The following SIN3B variants were observed in gnomAD, a reference collection of about 807,000 sequenced individuals.
The protein encoded by SIN3B is SIN3 transcription regulator family member B.
Under a neutral mutation model 120.2 loss-of-function variants are expected in SIN3B, and 19 were observed. That is an observed-to-expected ratio of 0.16 (90% confidence interval 0.11 to 0.23). The LOEUF (loss-of-function observed/expected upper bound fraction) is 0.23. Among genes scored for constraint, SIN3B ranks in the 10% least tolerant of loss-of-function variants. The pLI, the probability that SIN3B is intolerant of heterozygous loss-of-function variation, is 1.00. For synonymous variants in SIN3B, 654 were observed against 653.2 expected (o/e 1.00, Z -0.02); for missense variants, 1,073 against 1,573.0 (o/e 0.68, Z 5.38).
At position 16,850,720 on chromosome 19, in the gene SIN3B, A is replaced by G. The variant is rs186298229; in HGVS notation, c.727-692A>G. ...CCTGCAGAAAAGCTGCGGTCTGTCC[A>G]TCGTCCCCTGCCTGTCCAGCCTTCC... On this transcript the variant is annotated intron_variant, in intron 5 of 18. Coordinates refer to ENST00000248054, the MANE Select transcript of SIN3B (RefSeq NM_001297595.2). 2.0e-3 allele frequency among the ~76,000 whole-genome samples: 302 copies of G among 152,228 alleles called. 2 individuals carry two copies. The highest frequency in any genetic ancestry group is 6.9e-3 in the African/African-American group (285 of 41,532).
chr19:16,850,680 C>T (rs938316186), intron 5 of SIN3B, among the ~76,000 whole-genome samples: 1 of 152,168 alleles, frequency 6.6e-6, no homozygotes, highest in Non-Finnish European at 1.5e-5. Context: ...AGGGCCTCTC[C>T]AGCTCTGCCC....
At position 16,839,413 on chromosome 19, in the gene SIN3B, C is replaced by T. The variant is rs145694272; in HGVS notation, c.382-2355C>T. 3.5e-3 allele frequency among the ~76,000 whole-genome samples: 536 copies of T among 152,234 alleles called. 3 individuals are homozygous for T. Among genetic ancestry groups the T allele is most frequent in the African/African-American group, 0.012 (482 of 41,518 alleles). ...ACACTGTCCCTCGTGGTGGCTGTAC[C>T]GTCCCATCTGGCTCTTTTTGCCAAG... On this transcript the variant is annotated intron_variant, in intron 3 of 18. Transcript: ENST00000248054.
chr19:16,872,299 G>A (rs2051521704), intron 14 of SIN3B, among the ~76,000 whole-genome samples: 1 of 151,780 alleles, frequency 6.6e-6, no homozygotes, highest in African/African-American at 2.4e-5. Context: ...CTGCTTAATG[G>A]AGCTAAAATA....
intron 5 of SIN3B, among the ~76,000 whole-genome samples, chr19:16,850,589 G>A (rs1008914097): frequency 6.6e-6 from 1 of 152,118 alleles, no homozygotes; most frequent in African/African-American, 2.4e-5. Flanking sequence ...AGGTCTTTGG[G>A]GGTGTCTTTG....
At chr19:16,833,049 C>A (rs987938559) in intron 3 of SIN3B, among the ~76,000 whole-genome samples, 2 of 152,166 alleles carry the variant, frequency 1.3e-5, no homozygotes, top group South Asian at 4.1e-4. Context: ...CCAGAAATGT[C>A]TCCAGACATT....
chr19:16,867,786 C>G (rs1442985199), intron 12 of SIN3B, among the ~76,000 whole-genome samples: 1 of 152,152 alleles, frequency 6.6e-6, no homozygotes, highest in African/African-American at 2.4e-5. Flanking sequence ...CCCTTCCCTC[C>G]CACCTCCCTT....
intron 9 of SIN3B, chr19:16,863,416 T>C (rs1019465451): frequency 9.0e-5 from 49 of 543,952 alleles, no homozygotes; most frequent in South Asian, 2.2e-4. Flanking sequence ...TAGGATTCCA[T>C]TGGACATCAG....
rs566955025 is a variant in SIN3B at position 16,878,693 on chromosome 19, G to A, written c.3359G>A (p.Arg1120His). ...CACGGCCTGCCCGTGACCCGCTACC[G>A]CGTGCAGTACAGCCGCCGCCCGGCC... is the stretch of plus-strand genomic sequence containing the variant. ...HVHGLPVTRY[R>H]VQYSRRPASP The change falls in exon 19 of 19, where the codon CGC becomes CAC. Residue 1120 changes from arginine (R) to histidine (H), a missense_variant. Arg to His is a conservative substitution (Grantham distance 29). Transcript: ENST00000248054. The A allele has an allele frequency of 6.0e-5, 97 of 1,611,196 alleles. No homozygotes were observed. The highest frequency in any genetic ancestry group is 5.0e-4 in the South Asian group (45 of 90,832).
At chr19:16,864,616 G>A (rs1294868455) in intron 10 of SIN3B, among the ~76,000 whole-genome samples, 1 of 151,946 alleles carries the variant, frequency 6.6e-6, no homozygotes, top group Non-Finnish European at 1.5e-5. Flanking sequence ...AAAGGAATGA[G>A]CCACCACACC....
Position 16,876,340 on chromosome 19 carries a change from C to A in SIN3B, c.2766+112C>A. Reference sequence around the variant, plus strand: ...AGCGGCTGGGACACCGGCCCTGCTGCAGAGCCCATGAGGTACCTTTGACCT... The same window carrying A: ...AGCGGCTGGGACACCGGCCCTGCTGAAGAGCCCATGAGGTACCTTTGACCT... On this transcript the variant is annotated intron_variant, in intron 15 of 18. Coordinates refer to ENST00000248054, the MANE Select transcript of SIN3B (RefSeq NM_001297595.2). This position sits in a 1 kb window ranked among gnomAD's most constrained non-coding sequence, Gnocchi z 7.1. The A allele has an allele frequency of 7.1e-7, 1 of 1,409,840 alleles. No homozygotes were observed. Among genetic ancestry groups the A allele is most frequent in the Non-Finnish European group, 9.7e-7 (1 of 1,034,602 alleles). The allele number at this position is 1,409,840 out of a possible 1,614,324, so 87.3% of individuals were successfully genotyped here.
chr19:16,869,618 C>T lies in SIN3B; in HGVS notation c.1965C>T (p.Ile655=), dbSNP rs771504051. ...TCCAGAAGGAGGACCAGGGCACCAT[C>T]CACCAGCTGCTGCACCAGTTCGTGC... ...PAIQKEDQGT[I]HQLLHQFVPS... Residue 655 remains isoleucine, a synonymous_variant, in exon 13 of 19, where the codon ATC becomes ATT. Coordinates refer to ENST00000248054, the MANE Select transcript of SIN3B (RefSeq NM_001297595.2). 4 of 1,613,612 alleles carry T rather than the reference C, an allele frequency of 2.5e-6. No individual in the cohort carries two copies. In the South Asian group the frequency reaches 4.4e-5, roughly 18 times the overall value.
chr19:16,871,513 T>G (rs1299170665), intron 14 of SIN3B, 115 bp downstream of exon 14: 2 of 975,430 alleles, frequency 2.1e-6, no homozygotes, highest in Non-Finnish European at 3.0e-6. Flanking sequence ...ATCCTGTTTT[T>G]TCTTAATTGA....
intron 10 of SIN3B, among the ~76,000 whole-genome samples, chr19:16,864,715 G>T (rs1035949810): frequency 6.6e-6 from 1 of 151,588 alleles, no homozygotes; most frequent in Non-Finnish European, 1.5e-5. Flanking sequence ...TATTGGCTGG[G>T]CACGATGGCT....
intron 7 of SIN3B, 93 bp downstream of exon 7, chr19:16,853,251 G>A (rs900421902): frequency 3.1e-5 from 38 of 1,212,496 alleles, no homozygotes; most frequent in African/African-American, 1.5e-4. Flanking sequence ...GGGGCGGGGA[G>A]CAGGTAGGGT....
chr19:16,855,115 ACT>A (rs1395461197), intron 8 of SIN3B: 1 of 151,326 alleles, frequency 6.6e-6, no homozygotes, highest in Non-Finnish European at 1.5e-5. Context: ...TTCTTTCCAG[ACT>A]CTCCGTGTTC....
At position 16,866,687 on chromosome 19, in the gene SIN3B, C is replaced by T. The variant is rs371160428; in HGVS notation, c.1806+131C>T. 155 of 858,982 alleles carry T rather than the reference C, an allele frequency of 1.8e-4. 3 individuals are homozygous for T. In the African/African-American group the frequency reaches 2.2e-3, roughly 12 times the overall value. 53.2% of individuals were successfully genotyped at this position (858,982 alleles called of 1,614,324 possible). A position where few individuals can be genotyped will look rare whatever the true frequency, so the allele number is the denominator to read the frequency against. On this transcript the variant is annotated intron_variant, in intron 12 of 18. Transcript: ENST00000248054. Reference sequence around the variant, plus strand: ...TTGCCCTTTCAGGGCTGTGTTGAGGCGAGGGTTCATGTCTCTGTGATGCCC... The same window carrying T: ...TTGCCCTTTCAGGGCTGTGTTGAGGTGAGGGTTCATGTCTCTGTGATGCCC...
intron 1 of SIN3B, 119 bp downstream of exon 1, chr19:16,829,659 C>G: frequency 7.9e-7 from 1 of 1,267,654 alleles, no homozygotes; most frequent in Non-Finnish European, 1.1e-6. Flanking sequence ...TGCACTGCCC[C>G]GGACCCCTCA....
intron 3 of SIN3B, among the ~76,000 whole-genome samples, chr19:16,839,987 G>T (rs1971396697): frequency 1.3e-5 from 2 of 152,138 alleles, no homozygotes; most frequent in Non-Finnish European, 2.9e-5. Flanking sequence ...CTGGGAGACA[G>T]AGCAAGACTC....
intron 3 of SIN3B, among the ~76,000 whole-genome samples, chr19:16,840,165 C>T (rs1463754102): frequency 6.6e-6 from 1 of 152,120 alleles, no homozygotes; most frequent in Non-Finnish European, 1.5e-5. Context: ...CACATTCCAC[C>T]CCAAATTCAT....
Sources: gnomAD v4.1 joint callset for allele counts (sites outside exome capture counted in the v4.1 genomes callset) on GRCh38, gnomAD v4.1.1 for gene constraint, Gnocchi (gnomAD v3.1) non-coding constraint, MANE v1.5 for transcripts, NCBI Gene and HGNC (gene_info 2026-07-23, HGNC 2026-07-21) for gene names.